The following FKBP15 variants were observed in gnomAD, a reference collection of about 807,000 sequenced individuals.
The protein encoded by FKBP15 is FK506-binding protein 15.
In FKBP15, 106 loss-of-function variants were observed where a neutral mutation model predicts 158.1. That is an observed-to-expected ratio of 0.67 (90% CI 0.57 to 0.79). The LOEUF is 0.79. FKBP15 is among the 30% of genes least tolerant of loss of function. The probability of loss-of-function intolerance (pLI) is 0.00; values close to 1 mark genes in which losing one functional copy is unlikely to be tolerated. For synonymous variants in FKBP15, 547 were observed against 548.6 expected, an observed-to-expected ratio of 1.00 and a Z score of 0.04; for missense variants, 1,287 against 1,479.1, an observed-to-expected ratio of 0.87 and a Z score of 2.13.
chr9:113,179,316 C>G (rs1180016449), intron 19 of FKBP15, among the ~76,000 whole-genome samples: 1 of 152,152 alleles, frequency 6.6e-6, no homozygotes, highest in Non-Finnish European at 1.5e-5. Context: ...ATTCCAAAGT[C>G]TTTATCGGTT....
intron 1 of FKBP15, among the ~76,000 whole-genome samples, chr9:113,214,139 C>T (rs1192738058): frequency 1.3e-5 from 2 of 152,170 alleles, no homozygotes; most frequent in African/African-American, 2.4e-5. Context: ...GGACTACAGG[C>T]ATGCACCAAG....
Position 113,161,831 on chromosome 9 carries a change from T to A in FKBP15, c.*4247A>T. On this transcript the variant is annotated 3_prime_UTR_variant, in exon 28 of 28. Coordinates refer to ENST00000238256, the MANE Select transcript of FKBP15 (RefSeq NM_015258.2). ...AGGGAAGGACCAGGACTTGCCAAAG[T>A]GGCTACACATAGCCAAGTGAACTAG... 1.0e-6 allele frequency: 1 copy of A among 969,500 alleles called. No individual in the cohort carries two copies. The highest frequency in any genetic ancestry group is 1.6e-6 in the Non-Finnish European group (1 of 623,944). 60.1% of individuals were successfully genotyped at this position (969,500 alleles called of 1,614,324 possible). A position where few individuals can be genotyped will look rare whatever the true frequency, so the allele number is the denominator to read the frequency against.
intron 19 of FKBP15, 85 bp downstream of exon 19, chr9:113,182,681 A>G: frequency 1.9e-6 from 2 of 1,064,100 alleles, no homozygotes; most frequent in Non-Finnish European, 2.8e-6. Flanking sequence ...ATTCTGTTGG[A>G]AAGCCGACTG....
chr9:113,162,682 T>C lies in FKBP15; in HGVS notation c.*3396A>G. 4 of 1,441,120 alleles carry C rather than the reference T, an allele frequency of 2.8e-6. No individual in the cohort carries two copies. In the Admixed American group the frequency reaches 7.4e-5, roughly 27 times the overall value. The allele number at this position is 1,441,120 out of a possible 1,614,324, so 89.3% of individuals were successfully genotyped here. A position where few individuals can be genotyped will look rare whatever the true frequency, so the allele number is the denominator to read the frequency against. ...AACTCAACAGCTTTCTACTCCCTGA[T>C]ATCTACTCCCAGCTTCCTCATTACC... On this transcript the variant is annotated 3_prime_UTR_variant, in exon 28 of 28. Transcript: ENST00000238256.
chr9:113,200,770 G>T (rs902970067), intron 6 of FKBP15, among the ~76,000 whole-genome samples: 1 of 152,130 alleles, frequency 6.6e-6, no homozygotes, highest in Non-Finnish European at 1.5e-5. Context: ...CAGAGGCTGG[G>T]TACGGTGGCT....
chr9:113,189,248 A>G (rs148169833), intron 12 of FKBP15, among the ~76,000 whole-genome samples: 7 of 152,318 alleles, frequency 4.6e-5, no homozygotes, highest in Admixed American at 2.0e-4. Flanking sequence ...TTAGATTTCT[A>G]CAGCTCTTAA....
rs985662970 is a variant in FKBP15 at position 113,184,241 on chromosome 9, G to C, written c.1716+51C>G. 2 of 1,282,572 alleles carry C rather than the reference G, an allele frequency of 1.6e-6. No homozygotes were observed. The highest frequency in any genetic ancestry group is 1.1e-6 in the Non-Finnish European group (1 of 900,940). 79.4% of individuals were successfully genotyped at this position (1,282,572 alleles called of 1,614,324 possible). On this transcript the variant is annotated intron_variant, in intron 17 of 27. Coordinates refer to ENST00000238256, the MANE Select transcript of FKBP15 (RefSeq NM_015258.2). This position sits in a 1 kb window ranked among gnomAD's most constrained non-coding sequence, Gnocchi z 4.5. Reference sequence around the variant, plus strand: ...TTAAAGAGTAGTACCTCTGAGAAGAGAGGATGGGTAAGACCTTCAGCCTGA... The same window carrying C: ...TTAAAGAGTAGTACCTCTGAGAAGACAGGATGGGTAAGACCTTCAGCCTGA...
intron 20 of FKBP15, among the ~76,000 whole-genome samples, chr9:113,177,408 C>G (rs986918040): frequency 6.6e-6 from 1 of 152,194 alleles, no homozygotes; most frequent in Non-Finnish European, 1.5e-5. Flanking sequence ...ACCACAAAAG[C>G]AGAAATGAGA....
Position 113,174,889 on chromosome 9 carries a change from CGTCTCTACT to C in FKBP15, c.2224-315_2224-307del, listed in dbSNP as rs964590267. Among the ~76,000 whole-genome samples the C allele has an allele frequency of 1.1e-3, 6 of 5,690 alleles. 2 individuals carry two copies. The highest frequency in any genetic ancestry group is 2.6e-3 in the African/African-American group (4 of 1,528). 3.7% of individuals were successfully genotyped at this position (5,690 alleles called of 152,430 possible). ...CATCCCGGCTAAAACGGTGAAACCC[CGTCTCTACT>C]AAAAAATACAAAAAATTAGCCGGGC... On this transcript the variant is annotated intron_variant, in intron 21 of 27. Coordinates refer to ENST00000238256, the MANE Select transcript of FKBP15 (RefSeq NM_015258.2).
chr9:113,213,475 G>A (rs1008501778), intron 1 of FKBP15, among the ~76,000 whole-genome samples: 1 of 151,842 alleles, frequency 6.6e-6, no homozygotes, highest in Non-Finnish European at 1.5e-5. Flanking sequence ...TTGAGAGGCT[G>A]AGGCAGGAGG....
intron 22 of FKBP15, 112 bp downstream of exon 22, chr9:113,174,316 G>T: frequency 1.8e-6 from 2 of 1,125,472 alleles, no homozygotes; most frequent in Non-Finnish European, 2.5e-6. Flanking sequence ...CAAAGTGAGA[G>T]TATCAGCTAT....
chr9:113,190,564 G>C lies in FKBP15; in HGVS notation c.1080C>G (p.Val360=). ...CCATCCGAGAGATCAACTTGGCTTT[G>C]ACTGCATCGGGACTCTAAAAAGAGA... is the stretch of plus-strand genomic sequence containing the variant. ...QLAINTSPDA[V]KAKLISRMAK... Residue 360 remains valine (V), a synonymous_variant, in exon 12 of 28, where the codon GTC becomes GTG. Transcript: ENST00000238256. 1 of 1,609,612 alleles carries C rather than the reference G, an allele frequency of 6.2e-7. No homozygotes were observed. The highest frequency in any genetic ancestry group is 1.7e-5 in the Admixed American group (1 of 59,310).
In FKBP15 at chr9:113,163,448, G is replaced by A. The variant is rs1188616960; in HGVS notation, c.*2630C>T. On this transcript the variant is annotated 3_prime_UTR_variant, in exon 28 of 28. Transcript: ENST00000238256. ...AACACATGAAGATCATCTCGTCTAT[G>A]GATCATGTTGACAAACTAAGTTTTT... 1 of 152,644 alleles carries A rather than the reference G, an allele frequency of 6.6e-6. No homozygotes were observed. The highest frequency in any genetic ancestry group is 2.4e-5 in the African/African-American group (1 of 41,434). 9.5% of individuals were successfully genotyped at this position (152,644 alleles called of 1,614,324 possible).
At chr9:113,180,447 T>C (rs1017714368) in intron 19 of FKBP15, among the ~76,000 whole-genome samples, 7 of 151,694 alleles carry the variant, frequency 4.6e-5, no homozygotes, top group Non-Finnish European at 7.4e-5. Flanking sequence ...GGTGTACTTA[T>C]AATTTTTTTT....
chr9:113,170,040 GC>G (rs1830177623), intron 25 of FKBP15, 98 bp from the exon 26 acceptor site: 6 of 1,418,016 alleles, frequency 4.2e-6, no homozygotes, highest in Non-Finnish European at 2.8e-6. Context: ...AAATGACTTT[GC>G]TTCTTTCCTG....
intron 2 of FKBP15, among the ~76,000 whole-genome samples, 190 bp from the exon 3 acceptor site, chr9:113,207,486 C>T (rs769053370): frequency 5.3e-5 from 8 of 151,570 alleles, no homozygotes; most frequent in Non-Finnish European, 8.8e-5. Flanking sequence ...ATTCCAGTTG[C>T]GTGCCACCAC....
Position 113,179,496 on chromosome 9 carries a change from T to C in FKBP15, c.1915-695A>G, listed in dbSNP as rs960513846. 1.1e-4 allele frequency among the ~76,000 whole-genome samples: 17 copies of C among 152,168 alleles called. 1 individual carries two copies. The highest frequency in any genetic ancestry group is 1.0e-3 in the Admixed American group (16 of 15,274). ...GACCAACATGGTGAAACTCGGTCTCTACTAAAAATACAAAAATTAGCCAGG... is the reference window on the plus strand; with the variant it reads ...GACCAACATGGTGAAACTCGGTCTCCACTAAAAATACAAAAATTAGCCAGG... On this transcript the variant is annotated intron_variant, in intron 19 of 27. Coordinates refer to ENST00000238256, the MANE Select transcript of FKBP15 (RefSeq NM_015258.2).
At chr9:113,171,814 C>A in intron 23 of FKBP15, 108 bp from the exon 24 acceptor site, 1 of 902,068 alleles carries the variant, frequency 1.1e-6, no homozygotes, top group Non-Finnish European at 1.5e-6. Flanking sequence ...TTTTTTTTTG[C>A]ATATAATAAA....
chr9:113,169,095 T>C, intron 26 of FKBP15, 129 bp downstream of exon 26: 3 of 1,281,186 alleles, frequency 2.3e-6, no homozygotes, highest in Non-Finnish European at 3.1e-6. Context: ...GTTGAATTAA[T>C]ACATCAACTA....
Sources: allele counts gnomAD v4.1 joint callset (sites outside exome capture counted in the v4.1 genomes callset), GRCh38; gene constraint gnomAD v4.1.1; non-coding constraint Gnocchi (gnomAD v3.1); transcripts MANE v1.5; gene names NCBI Gene and HGNC (gene_info 2026-07-23, HGNC 2026-07-21).